Variants in USP32 observed in about 807,000 individuals in gnomAD.
The protein encoded by USP32 is ubiquitin specific peptidase 32.
A neutral mutation model predicts 204.8 loss-of-function variants in USP32; 59 were observed. The ratio of observed to expected loss-of-function variants is 0.29; its 90% CI spans 0.23 to 0.36. The LOEUF is 0.36. Ranked by LOEUF, USP32 falls within the 10% of genes least tolerant of loss-of-function variation. The pLI, the probability that USP32 is intolerant of heterozygous loss-of-function variation, is 1.00. For missense variants in USP32, 1,160 were observed against 1,946.4 expected, an observed-to-expected ratio of 0.60 and a Z score of 7.60; for synonymous variants, 517 against 678.4, an observed-to-expected ratio of 0.76 and a Z score of 3.70.
chr17:60,260,408 A>G (rs1165224124), intron 9 of USP32, among the ~76,000 whole-genome samples: 2 of 151,986 alleles, frequency 1.3e-5, no homozygotes, highest in Non-Finnish European at 2.9e-5. Context: ...CTGTAATCCC[A>G]GCTACTCAGG....
At chr17:60,345,329 T>C in intron 2 of USP32, 152 bp downstream of exon 2, 1 of 1,084,798 alleles carries the variant, frequency 9.2e-7, no homozygotes. Flanking sequence ...CACAGCCACG[T>C]TGACATCTAA....
intron 31 of USP32, among the ~76,000 whole-genome samples, chr17:60,182,868 A>G (rs2084148530): frequency 6.6e-6 from 1 of 152,214 alleles, no homozygotes; most frequent in Non-Finnish European, 1.5e-5. Context: ...TAAGGGGACA[A>G]GACAGCAGCT....
intron 1 of USP32, among the ~76,000 whole-genome samples, chr17:60,385,017 C>A (rs1464830382): frequency 6.6e-6 from 1 of 152,208 alleles, no homozygotes; most frequent in Non-Finnish European, 1.5e-5. Flanking sequence ...CCCCTGTGAC[C>A]TGCACAATAC....
intron 16 of USP32, among the ~76,000 whole-genome samples, chr17:60,217,759 A>G (rs1265420369): frequency 5.3e-5 from 8 of 151,452 alleles, no homozygotes; most frequent in Non-Finnish European, 1.0e-4. Context: ...TTTTTAAGAG[A>G]CAAGCTCTTG....
chr17:60,391,012 G>A (rs753154998), intron 1 of USP32, among the ~76,000 whole-genome samples: 45 of 152,194 alleles, frequency 3.0e-4, no homozygotes, highest in Admixed American at 2.6e-4. Flanking sequence ...GTATCAGAGT[G>A]AGTGGTAGGG....
intron 1 of USP32, among the ~76,000 whole-genome samples, chr17:60,412,168 A>G (rs1239756616): frequency 5.3e-5 from 8 of 152,112 alleles, no homozygotes. Flanking sequence ...GTATTTTCCA[A>G]ATTTGCCCGA....
chr17:60,394,323 C>T (rs1026100524), upstream of USP32, among the ~76,000 whole-genome samples: 4 of 152,112 alleles, frequency 2.6e-5, no homozygotes, highest in Non-Finnish European at 5.9e-5. Flanking sequence ...AGTTCAATTG[C>T]AACATATACT....
Position 60,392,076 on chromosome 17 carries a change from C to T in USP32, c.-137G>A. On this transcript the variant is annotated 5_prime_UTR_variant, in exon 1 of 34. Transcript: ENST00000300896. The stretch of plus-strand genomic sequence containing the variant: ...CCACCTCCCCCCACACTAACAAGTG[C>T]GGCTTCTGCCCCGGCGGCTCCTCCC... The T allele has an allele frequency of 3.1e-6, 3 of 965,358 alleles. No individual in the cohort carries two copies. Among genetic ancestry groups the T allele is most frequent in the African/African-American group, 1.8e-5 (1 of 56,276 alleles). 59.8% of individuals were successfully genotyped at this position (965,358 alleles called of 1,614,324 possible).
chr17:60,390,716 C>T (rs957276722), intron 1 of USP32, among the ~76,000 whole-genome samples: 4 of 152,140 alleles, frequency 2.6e-5, no homozygotes, highest in Admixed American at 6.5e-5. Flanking sequence ...TTTGAATACC[C>T]GTCTTTTAAT....
At chr17:60,342,228 C>T (rs935532802) in intron 2 of USP32, among the ~76,000 whole-genome samples, 10 of 152,212 alleles carry the variant, frequency 6.6e-5, no homozygotes, top group Admixed American at 1.3e-4. Context: ...CTGGGTATCA[C>T]CAGTAGAGGC....
chr17:60,232,524 A>G (rs2085595153), intron 12 of USP32, among the ~76,000 whole-genome samples: 1 of 139,774 alleles, frequency 7.2e-6, no homozygotes, highest in South Asian at 2.3e-4. Context: ...AAGTGGCCAC[A>G]TGGACTGGAA....
At chr17:60,344,009 G>A (rs2088721966) in intron 2 of USP32, among the ~76,000 whole-genome samples, 1 of 151,658 alleles carries the variant, frequency 6.6e-6, no homozygotes, top group Non-Finnish European at 1.5e-5. Flanking sequence ...ACTCCAGCCT[G>A]GGCAACAAGA....
chr17:60,331,498 C>A (rs1014433509), intron 2 of USP32, among the ~76,000 whole-genome samples: 6 of 150,268 alleles, frequency 4.0e-5, no homozygotes, highest in African/African-American at 7.4e-5. Context: ...CTGGGGAGGT[C>A]AATGCTGCAG....
At chr17:60,325,652 C>T (rs192167504) in intron 2 of USP32, among the ~76,000 whole-genome samples, 152 of 152,084 alleles carry the variant, frequency 1.0e-3, no homozygotes, top group Non-Finnish European at 1.1e-3. Context: ...AAGGGCCAGG[C>T]GCGGTGGCTC....
intron 1 of USP32, among the ~76,000 whole-genome samples, chr17:60,372,320 G>A (rs560966738): frequency 3.9e-5 from 6 of 152,266 alleles, no homozygotes; most frequent in Admixed American, 6.5e-5. Context: ...GGAATGCATC[G>A]TTAGGTGATT....
intron 4 of USP32, among the ~76,000 whole-genome samples, chr17:60,288,899 A>G (rs1045220398): frequency 6.6e-6 from 1 of 152,236 alleles, no homozygotes; most frequent in Non-Finnish European, 1.5e-5. Context: ...TAAAATCTGT[A>G]TGTTAACTAC....
At position 60,207,944 on chromosome 17, in the gene USP32, C is replaced by T. The variant is rs570490048; in HGVS notation, c.2925+115G>A. On this transcript the variant is annotated intron_variant, in intron 24 of 33. Transcript: ENST00000300896. Reference sequence around the variant, plus strand: ...TTTTTTGTTGTTGTTGTTCAGTTTTCGTTATGTTTTAGTATCTCTCTTGGT... The same window carrying T: ...TTTTTTGTTGTTGTTGTTCAGTTTTTGTTATGTTTTAGTATCTCTCTTGGT... The T allele has an allele frequency of 1.8e-5, 26 of 1,434,368 alleles. 1 individual carries two copies. The Middle Eastern group carries it at 8.0e-4, about 44-fold the overall frequency. 88.9% of individuals were successfully genotyped at this position (1,434,368 alleles called of 1,614,324 possible).
At chr17:60,245,478 C>T (rs1033267644) in intron 11 of USP32, 3 of 339,266 alleles carry the variant, frequency 8.8e-6, no homozygotes, top group Non-Finnish European at 1.7e-5. Flanking sequence ...CACTGGGCAG[C>T]ATGTGGTTTG....
intron 5 of USP32, among the ~76,000 whole-genome samples, chr17:60,283,083 G>A (rs528194858): frequency 6.6e-6 from 1 of 152,212 alleles, no homozygotes; most frequent in Admixed American, 6.5e-5. Context: ...AAAGAGAAAT[G>A]GACAAGCATG....
Sources: gnomAD v4.1 joint callset for allele counts (sites outside exome capture counted in the v4.1 genomes callset) on GRCh38, gnomAD v4.1.1 for gene constraint, MANE v1.5 for transcripts, NCBI Gene and HGNC (gene_info 2026-07-23, HGNC 2026-07-21) for gene names.